Variants in EXOC2 observed in about 807,000 individuals in gnomAD.
EXOC2 encodes exocyst complex component 2.
Under a neutral mutation model 131.8 loss-of-function variants are expected in EXOC2, and 70 were observed. That is an observed-to-expected ratio of 0.53 (90% confidence interval 0.44 to 0.65). The LOEUF is 0.65. Ranked by LOEUF, EXOC2 falls within the 30% of genes least tolerant of loss-of-function variation. The pLI is 0.00. For missense variants in EXOC2, 923 were observed against 1,108.6 expected (o/e 0.83, Z 2.38); for synonymous variants, 411 against 398.4 (o/e 1.03, Z -0.38).
At chr6:609,857 T>C (rs1471928019) in intron 7 of EXOC2, among the ~76,000 whole-genome samples, 1 of 152,194 alleles carries the variant, frequency 6.6e-6, no homozygotes, top group African/African-American at 2.4e-5. Context: ...GAAACTTTAT[T>C]TCTTAAGAAG....
chr6:682,391 A>G (rs758498557), intron 1 of EXOC2, among the ~76,000 whole-genome samples: 15 of 151,892 alleles, frequency 9.9e-5, no homozygotes, highest in South Asian at 4.2e-4. Flanking sequence ...TAGTAGAGAC[A>G]GGGTTTCTCT....
chr6:507,093 T>TAC lies in EXOC2; in HGVS notation c.2381-7395_2381-7394dup, dbSNP rs752368639. On this transcript the variant is annotated intron_variant, in intron 23 of 27. Coordinates refer to ENST00000230449, the MANE Select transcript of EXOC2 (RefSeq NM_018303.6). ...ACACACACACACAGCAGTGACTACATACACACACACACACAGCAGTGACTA... is the reference window on the plus strand; with the variant it reads ...ACACACACACACAGCAGTGACTACATACACACACACACACACAGCAGTGACTA... Among the ~76,000 whole-genome samples the TAC allele has an allele frequency of 1.4e-3, 118 of 87,076 alleles. 2 individuals carry two copies. The East Asian group carries it at 0.021, about 16-fold the overall frequency. The allele number at this position is 87,076 out of a possible 152,430, so 57.1% of individuals were successfully genotyped here. A position where few individuals can be genotyped will look rare whatever the true frequency, so the allele number is the denominator to read the frequency against.
chr6:663,638 CA>C (rs1250924102), intron 1 of EXOC2, among the ~76,000 whole-genome samples: 7 of 152,130 alleles, frequency 4.6e-5, no homozygotes, highest in Non-Finnish European at 1.0e-4. Context: ...TTAACATACA[CA>C]AGTCAATAAA....
intron 12 of EXOC2, 141 bp from the exon 13 acceptor site, chr6:572,785 G>A: frequency 2.9e-6 from 3 of 1,052,292 alleles, no homozygotes; most frequent in Non-Finnish European, 4.1e-6. Context: ...GACGCTCGCG[G>A]CCCACCTGGC....
At chr6:562,174 A>G (rs1312525324) in intron 17 of EXOC2, among the ~76,000 whole-genome samples, 1 of 152,238 alleles carries the variant, frequency 6.6e-6, no homozygotes, top group Non-Finnish European at 1.5e-5. Context: ...TGTGAGAGAC[A>G]GAAGTCCCCC....
intron 6 of EXOC2, among the ~76,000 whole-genome samples, chr6:615,187 GT>G (rs1183117360): frequency 1.4e-4 from 20 of 140,032 alleles, no homozygotes; most frequent in African/African-American, 3.5e-4. Flanking sequence ...GTGTGGGTGT[GT>G]GTGTGTGTGT....
rs538532550 is a variant in EXOC2 at position 517,166 on chromosome 6, TAAAAG to T, written c.2380+15298_2380+15302del. Among the ~76,000 whole-genome samples the T allele has an allele frequency of 2.7e-3, 410 of 152,100 alleles. 1 individual carries two copies. Among genetic ancestry groups the T allele is most frequent in the African/African-American group, 9.3e-3 (384 of 41,496 alleles). The stretch of plus-strand genomic sequence containing the variant: ...GACAGAGACACAGTGTGGAAAGAAA[TAAAAG>T]AGAAGAAGGAAGATGTTCATATTTC... On this transcript the variant is annotated intron_variant, in intron 23 of 27. Coordinates refer to ENST00000230449, the MANE Select transcript of EXOC2 (RefSeq NM_018303.6).
chr6:614,625 A>C (rs1046441861), intron 6 of EXOC2, among the ~76,000 whole-genome samples: 12 of 152,204 alleles, frequency 7.9e-5, no homozygotes, highest in African/African-American at 2.7e-4. Context: ...TATCATCAAG[A>C]GAATCTAAAC....
intron 1 of EXOC2, among the ~76,000 whole-genome samples, chr6:643,249 G>T (rs1300823190): frequency 6.6e-6 from 1 of 152,064 alleles, no homozygotes; most frequent in Non-Finnish European, 1.5e-5. Context: ...AGCACTGTTG[G>T]TCATCCTGAC....
intron 1 of EXOC2, among the ~76,000 whole-genome samples, chr6:643,901 G>C (rs781253215): frequency 6.6e-5 from 10 of 152,036 alleles, no homozygotes; most frequent in Non-Finnish European, 1.5e-4. Flanking sequence ...ACAATGAACA[G>C]CTTTATGCTG....
At chr6:617,054 C>T (rs1436816259) in intron 6 of EXOC2, among the ~76,000 whole-genome samples, 1 of 152,106 alleles carries the variant, frequency 6.6e-6, no homozygotes, top group Admixed American at 6.5e-5. Context: ...GTTATGGATA[C>T]TTAAGCTATA....
At chr6:521,055 C>A (rs1363358300) in intron 23 of EXOC2, among the ~76,000 whole-genome samples, 3 of 74,166 alleles carry the variant, frequency 4.0e-5, no homozygotes, top group African/African-American at 2.0e-4. Flanking sequence ...GCCGTCCACA[C>A]TCGGAGAGGA....
In EXOC2 at chr6:617,704, G is replaced by A. The variant is rs746236962; in HGVS notation, c.661+7C>T. 9 of 1,609,964 alleles carry A rather than the reference G, an allele frequency of 5.6e-6. No individual in the cohort carries two copies. The African/African-American group carries it at 6.7e-5, about 12-fold the overall frequency. On this transcript the variant is annotated splice_region_variant and intron_variant, in intron 6 of 27. Coordinates refer to ENST00000230449, the MANE Select transcript of EXOC2 (RefSeq NM_018303.6). Reference sequence around the variant, plus strand: ...CTGCCAGCAGATGGCTCTGAGGATCGCCTTACCTGAGAGGGCATCCTGTGC... The same window carrying A: ...CTGCCAGCAGATGGCTCTGAGGATCACCTTACCTGAGAGGGCATCCTGTGC...
rs144165327 is a variant in EXOC2 at position 600,196 on chromosome 6, T to C, written c.743-971A>G. Among the ~76,000 whole-genome samples, 41 of 152,330 alleles carry C rather than the reference T, an allele frequency of 2.7e-4. No homozygotes were observed. In the East Asian group the frequency reaches 7.7e-3, roughly 29 times the overall value. On this transcript the variant is annotated intron_variant, in intron 7 of 27. Coordinates refer to ENST00000230449, the MANE Select transcript of EXOC2 (RefSeq NM_018303.6). ...AAAAGTCATCTTTGTAACATGATTGTTTTATCTAAATAATGTTTAAATTCT... is the reference window on the plus strand; with the variant it reads ...AAAAGTCATCTTTGTAACATGATTGCTTTATCTAAATAATGTTTAAATTCT...
chr6:532,505 C>T lies in EXOC2; in HGVS notation c.2344G>A (p.Gly782Arg), dbSNP rs1766149118. ...AGGCAGTCCTTCCAATCAAAATATC[C>T]TGCATAAATTCCAGGTTCTAAGGAG... ...VGSLEPGIYAGYFDWKDCLPP... is the reference protein window; with the variant it reads ...VGSLEPGIYARYFDWKDCLPP... Residue 782 changes from glycine to arginine, a missense_variant, in exon 23 of 28, where the codon GGA (glycine) becomes AGA (arginine). Gly to Arg is a moderately radical substitution (Grantham distance 125). Transcript: ENST00000230449. The T allele has an allele frequency of 6.2e-7, 1 of 1,605,576 alleles. No homozygotes were observed. Among genetic ancestry groups the T allele is most frequent in the Non-Finnish European group, 8.5e-7 (1 of 1,177,592 alleles).
chr6:603,059 A>G (rs1407272275), intron 7 of EXOC2, among the ~76,000 whole-genome samples: 1 of 152,170 alleles, frequency 6.6e-6, no homozygotes, highest in Non-Finnish European at 1.5e-5. Flanking sequence ...CAAAGTGACC[A>G]TTTGGTCCTT....
At chr6:656,943 A>G (rs1396876701) in intron 1 of EXOC2, 2 of 1,517,068 alleles carry the variant, frequency 1.3e-6, no homozygotes, top group Non-Finnish European at 1.8e-6. Flanking sequence ...GCGAAACTTC[A>G]TGATGCCACA....
intron 12 of EXOC2, 85 bp from the exon 13 acceptor site, chr6:572,729 TC>T: frequency 6.7e-7 from 1 of 1,499,162 alleles, no homozygotes. Context: ...CCCCCTCCAC[TC>T]CCGCAAAACT....
chr6:560,710 CTTT>C (rs1250904675), intron 17 of EXOC2, among the ~76,000 whole-genome samples: 1 of 144,142 alleles, frequency 6.9e-6, no homozygotes. Context: ...AATTTTCTTT[CTTT>C]TTTTTTTTTT....
Sources: gnomAD v4.1 joint callset for allele counts (sites outside exome capture counted in the v4.1 genomes callset) on GRCh38, gnomAD v4.1.1 for gene constraint, MANE v1.5 for transcripts, NCBI Gene and HGNC (gene_info 2026-07-23, HGNC 2026-07-21) for gene names.